Variants in PATJ observed in about 807,000 individuals in gnomAD.
The protein encoded by PATJ is inaD-like protein.
A neutral mutation model predicts 224.9 loss-of-function variants in PATJ; 190 were observed. The ratio of observed to expected loss-of-function variants is 0.84; its 90% CI spans 0.75 to 0.95. The LOEUF is 0.95. Among genes scored for constraint, PATJ ranks in the 40% least tolerant of loss-of-function variants. The pLI, the probability that PATJ is intolerant of heterozygous loss-of-function variation, is 0.00. For missense variants in PATJ, 2,121 were observed against 2,270.3 expected (o/e 0.93, Z 1.34); for synonymous variants, 769 against 820.3 (o/e 0.94, Z 1.07).
chr1:62,031,502 C>T (rs927253114), intron 29 of PATJ, among the ~76,000 whole-genome samples: 1 of 152,198 alleles, frequency 6.6e-6, no homozygotes, highest in African/African-American at 2.4e-5. Flanking sequence ...GCAGTTAATA[C>T]AGTGAGCAGA....
At chr1:61,853,665 A>G (rs1663185035) in intron 17 of PATJ, among the ~76,000 whole-genome samples, 1 of 152,188 alleles carries the variant, frequency 6.6e-6, no homozygotes, top group Non-Finnish European at 1.5e-5. Context: ...GTGTGTTGTG[A>G]TTCATGGTTG....
At position 62,162,798 on chromosome 1, in the gene PATJ, T is replaced by A. The variant is rs1285142461; in HGVS notation, c.*1744T>A. The A allele has an allele frequency of 1.0e-5, 2 of 195,328 alleles. No homozygotes were observed. The highest frequency in any genetic ancestry group is 2.2e-5 in the Non-Finnish European group (2 of 93,002). The allele number at this position is 195,328 out of a possible 1,614,324, so 12.1% of individuals were successfully genotyped here. ...CCTGTCTCTACTAAAAATACAAAAA[T>A]TAGCTGGGTGCAGTGGCAGGCGCCT... On this transcript the variant is annotated 3_prime_UTR_variant, in exon 44 of 44. Transcript: ENST00000642238.
intron 28 of PATJ, among the ~76,000 whole-genome samples, chr1:62,013,911 C>A (rs1361564629): frequency 6.6e-6 from 1 of 152,074 alleles, no homozygotes. Flanking sequence ...GTAGCTGGGA[C>A]CACAGGCGCC....
chr1:61,951,086 A>C (rs1395324681), intron 27 of PATJ, among the ~76,000 whole-genome samples: 4 of 152,094 alleles, frequency 2.6e-5, no homozygotes, highest in African/African-American at 9.7e-5. Flanking sequence ...GTGGAGTTGC[A>C]GTAAGCCAAG....
At chr1:62,063,930 A>G (rs1218614283) in intron 31 of PATJ, among the ~76,000 whole-genome samples, 1 of 152,180 alleles carries the variant, frequency 6.6e-6, no homozygotes, top group East Asian at 1.9e-4. Context: ...TAGTTACAGA[A>G]TCATATCATC....
intron 33 of PATJ, among the ~76,000 whole-genome samples, chr1:62,089,678 T>TTTTTC (rs981385962): frequency 6.6e-6 from 1 of 152,120 alleles, no homozygotes; most frequent in African/African-American, 2.4e-5. Context: ...TTTCTTTTTT[T>TTTTTC]TTTTCCCCTT....
At chr1:62,000,354 C>T (rs1442922204) in intron 28 of PATJ, among the ~76,000 whole-genome samples, 2 of 121,708 alleles carry the variant, frequency 1.6e-5, no homozygotes, top group African/African-American at 6.4e-5. Flanking sequence ...CCCCTCCCCC[C>T]ACCCCACAAC....
chr1:61,814,845 G>A (rs1055362129), intron 14 of PATJ, among the ~76,000 whole-genome samples: 11 of 152,110 alleles, frequency 7.2e-5, no homozygotes, highest in Middle Eastern at 3.2e-3. Flanking sequence ...TGACTTGACC[G>A]AAATTATACA....
At chr1:61,819,104 C>T (rs1265558252) in intron 14 of PATJ, among the ~76,000 whole-genome samples, 1 of 152,126 alleles carries the variant, frequency 6.6e-6, no homozygotes, top group East Asian at 1.9e-4. Context: ...CCCCAGTAGG[C>T]TTTTTTGTAG....
chr1:61,869,310 T>G (rs182392946), intron 20 of PATJ, among the ~76,000 whole-genome samples: 4,405 of 151,646 alleles, frequency 0.029, 219 homozygotes, highest in African/African-American at 0.099. Flanking sequence ...GTTTCACCGT[T>G]TTAGCCGGGA....
rs1371552055 is a variant in PATJ at position 61,771,452 on chromosome 1, T to C, written c.546T>C (p.Asn182=). Residue 182 remains asparagine, a synonymous_variant, in exon 6 of 44, where the codon AAT becomes AAC. Transcript: ENST00000642238. ...TAAGGGATCAAAGATTAAAGGAAAA[T>C]GATCAAATATTGGCCATTAATCACA... ...VADRDQRLKE[N]DQILAINHTP... is the part of the protein sequence containing the mutation. 4 of 1,592,304 alleles carry C rather than the reference T, an allele frequency of 2.5e-6. No homozygotes were observed. In the East Asian group the frequency reaches 6.8e-5, roughly 27 times the overall value.
At chr1:61,760,773 C>T (rs1306990482) in intron 1 of PATJ, among the ~76,000 whole-genome samples, 2 of 151,674 alleles carry the variant, frequency 1.3e-5, no homozygotes, top group East Asian at 1.9e-4. Context: ...AGTGCCACCA[C>T]GCCTAATTTT....
intron 22 of PATJ, 46 bp downstream of exon 22, chr1:61,884,454 T>G (rs949462267): frequency 1.8e-3 from 45 of 25,164 alleles, no homozygotes; most frequent in Non-Finnish European, 2.3e-3. Context: ...AATAGTGGTT[T>G]TTTTTTTTTT....
At chr1:62,092,470 ATT>A (rs776199993) in intron 33 of PATJ, among the ~76,000 whole-genome samples, 10 of 143,926 alleles carry the variant, frequency 6.9e-5, no homozygotes, top group East Asian at 2.0e-4. Context: ...CAGAGTTGGA[ATT>A]TTTTTTTTTT....
intron 30 of PATJ, chr1:62,039,139 G>A (rs1650997311): frequency 3.2e-6 from 2 of 632,082 alleles, no homozygotes; most frequent in Non-Finnish European, 6.0e-6. Flanking sequence ...TCAGCAGCCT[G>A]TCATAGGAAC....
At chr1:61,945,495 A>G (rs1678547609) in intron 27 of PATJ, among the ~76,000 whole-genome samples, 1 of 152,210 alleles carries the variant, frequency 6.6e-6, no homozygotes, top group Admixed American at 6.5e-5. Context: ...CCATTACATA[A>G]TGGGAAAGGG....
chr1:62,042,661 A>G (rs907310423), intron 30 of PATJ, among the ~76,000 whole-genome samples: 1 of 152,000 alleles, frequency 6.6e-6, no homozygotes, highest in Admixed American at 6.6e-5. Flanking sequence ...TTTTTTTAAA[A>G]AAAAAGACAA....
intron 21 of PATJ, among the ~76,000 whole-genome samples, chr1:61,883,934 G>C (rs1439813036): frequency 1.3e-5 from 2 of 150,584 alleles, no homozygotes; most frequent in South Asian, 4.2e-4. Context: ...AAGAGAAAAT[G>C]TGTAGTAAGA....
intron 30 of PATJ, among the ~76,000 whole-genome samples, chr1:62,047,728 CTTACA>C (rs1389677338): frequency 6.6e-6 from 1 of 152,186 alleles, no homozygotes; most frequent in Admixed American, 6.5e-5. Flanking sequence ...GTTTCTAACA[CTTACA>C]TTACCACTGT....
Sources: allele counts gnomAD v4.1 joint callset (sites outside exome capture counted in the v4.1 genomes callset), GRCh38; gene constraint gnomAD v4.1.1; transcripts MANE v1.5; gene names NCBI Gene and HGNC (gene_info 2026-07-23, HGNC 2026-07-21).